The following SCN2A variants were observed in gnomAD, a reference collection of about 807,000 sequenced individuals.
SCN2A encodes the protein sodium voltage-gated channel alpha subunit 2, also known as sodium channel protein type 2 subunit alpha.
In SCN2A, 20 loss-of-function variants were observed where a neutral mutation model predicts 188.7. The observed-to-expected ratio is 0.11, with a 90% CI of 0.07 to 0.15. The LOEUF is 0.15. Ranked by LOEUF, SCN2A falls within the 10% of genes least tolerant of loss-of-function variation. The pLI is 1.00. For missense variants in SCN2A, 1,278 were observed against 2,445.0 expected, an observed-to-expected ratio of 0.52 and a Z score of 10.07; for synonymous variants, 804 against 833.1, an observed-to-expected ratio of 0.97 and a Z score of 0.60.
At chr2:165,252,132 GA>G (rs200670366) in intron 1 of SCN2A, among the ~76,000 whole-genome samples, 5 of 148,526 alleles carry the variant, frequency 3.4e-5, no homozygotes, top group East Asian at 2.0e-4. Flanking sequence ...ATCTAAGTAC[GA>G]AAAAAAAATA....
chr2:165,325,533 G>T (rs958538026), intron 12 of SCN2A, among the ~76,000 whole-genome samples: 1 of 152,074 alleles, frequency 6.6e-6, no homozygotes, highest in African/African-American at 2.4e-5. Context: ...AATGTCATTA[G>T]CAGTTTTGGA....
chr2:165,307,798 TA>T, intron 3 of SCN2A, 49 bp from the exon 4 acceptor site: 2 of 1,304,418 alleles, frequency 1.5e-6, no homozygotes, highest in Non-Finnish European at 1.1e-6. Flanking sequence ...TGGTAGTGCA[TA>T]AAAGTAAGAT....
intron 1 of SCN2A, among the ~76,000 whole-genome samples, chr2:165,260,088 C>T (rs1159162498): frequency 6.6e-6 from 1 of 151,858 alleles, no homozygotes; most frequent in Non-Finnish European, 1.5e-5. Context: ...GGACTACAGG[C>T]GCCCGCCACC....
At chr2:165,330,547 AT>A (rs898364380) in intron 13 of SCN2A, among the ~76,000 whole-genome samples, 78 of 152,268 alleles carry the variant, frequency 5.1e-4, no homozygotes, top group African/African-American at 1.9e-3. Context: ...TTAATATAAA[AT>A]TTTATGTCAT....
intron 12 of SCN2A, 21 bp downstream of exon 12, chr2:165,323,521 A>G (rs778366189): frequency 3.5e-5 from 56 of 1,592,372 alleles, no homozygotes; most frequent in Non-Finnish European, 1.1e-5. Context: ...TTAAAATTGC[A>G]GCTGATGTGA....
intron 20 of SCN2A, 75 bp downstream of exon 20, chr2:165,370,374 GTA>G: frequency 7.1e-7 from 1 of 1,413,384 alleles, no homozygotes; most frequent in South Asian, 1.2e-5. Context: ...CTGACACAGT[GTA>G]GGCACTCAGT....
intron 14 of SCN2A, among the ~76,000 whole-genome samples, chr2:165,339,655 C>T (rs1027323996): frequency 2.6e-5 from 4 of 152,056 alleles, no homozygotes; most frequent in African/African-American, 9.7e-5. Flanking sequence ...AGAATAATTA[C>T]AGAAGATTTA....
At chr2:165,294,347 A>AG (rs1383229094) in intron 1 of SCN2A, among the ~76,000 whole-genome samples, 1 of 152,054 alleles carries the variant, frequency 6.6e-6, no homozygotes, top group Admixed American at 6.6e-5. Context: ...GTCTGTCGCT[A>AG]GGCATGAGGG....
chr2:165,290,879 A>G (rs1442489360), intron 1 of SCN2A: 1 of 664,164 alleles, frequency 1.5e-6, no homozygotes, highest in East Asian at 1.4e-4. Context: ...GTTACTTTCC[A>G]AAAGTGGAGG....
intron 17 of SCN2A, among the ~76,000 whole-genome samples, chr2:165,362,903 G>T (rs1700537495): frequency 6.6e-6 from 1 of 152,028 alleles, no homozygotes; most frequent in South Asian, 2.1e-4. Context: ...GATTTATTGG[G>T]GAGACTTTAT....
At chr2:165,313,292 G>GAA (rs958140454) in intron 8 of SCN2A, among the ~76,000 whole-genome samples, 1 of 152,056 alleles carries the variant, frequency 6.6e-6, no homozygotes, top group Admixed American at 6.6e-5. Context: ...CATCCTCAGT[G>GAA]AAAATCAACT....
At chr2:165,350,464 C>CTTTTTTTTTTTTTTTTTTTTTTT (rs71028479) in intron 16 of SCN2A, among the ~76,000 whole-genome samples, 4 of 73,846 alleles carry the variant, frequency 5.4e-5, no homozygotes, top group African/African-American at 1.8e-4. Context: ...TGTTTTCTTT[C>CTTTTTTTTTTTTTTTTTTTTTTT]TTTTTTTTTT....
chr2:165,291,421 TG>T (rs1157612132), intron 1 of SCN2A, among the ~76,000 whole-genome samples: 1 of 142,114 alleles, frequency 7.0e-6, no homozygotes. Context: ...CCTTCCTCCC[TG>T]TCTGTCTTTC....
intron 12 of SCN2A, among the ~76,000 whole-genome samples, chr2:165,326,339 A>G (rs1300410544): frequency 6.6e-6 from 1 of 152,226 alleles, no homozygotes; most frequent in African/African-American, 2.4e-5. Context: ...GTAATTAGGA[A>G]TGTTGGGAAA....
At chr2:165,302,541 T>A (rs940103966) in intron 3 of SCN2A, among the ~76,000 whole-genome samples, 2 of 152,186 alleles carry the variant, frequency 1.3e-5, no homozygotes, top group Non-Finnish European at 2.9e-5. Context: ...CAAAGAAATG[T>A]CCTATAATTT....
At chr2:165,311,125 A>C (rs1042778689) in intron 7 of SCN2A, among the ~76,000 whole-genome samples, 3 of 151,956 alleles carry the variant, frequency 2.0e-5, no homozygotes, top group Non-Finnish European at 4.4e-5. Flanking sequence ...TATTCTAATT[A>C]GTCCCTTTAG....
intron 1 of SCN2A, among the ~76,000 whole-genome samples, chr2:165,284,723 A>AC (rs1695754559): frequency 6.6e-6 from 1 of 152,188 alleles, no homozygotes; most frequent in Admixed American, 6.5e-5. Flanking sequence ...CATAAAGAGA[A>AC]CCATATCCTG....
intron 1 of SCN2A, among the ~76,000 whole-genome samples, chr2:165,259,931 A>ATTTTTTTTTT (rs140137535): frequency 1.1e-5 from 1 of 89,494 alleles, no homozygotes; most frequent in African/African-American, 4.6e-5. Flanking sequence ...CTAAAAATGG[A>ATTTTTTTTTT]TTTTTTTTTT....
chr2:165,257,722 G>C (rs1196016876), intron 1 of SCN2A, among the ~76,000 whole-genome samples: 1 of 152,054 alleles, frequency 6.6e-6, no homozygotes, highest in Non-Finnish European at 1.5e-5. Context: ...TATTTTTATA[G>C]AGATGGGTTT....
Sources: gnomAD v4.1 joint callset for allele counts (sites outside exome capture counted in the v4.1 genomes callset) on GRCh38, gnomAD v4.1.1 for gene constraint, MANE v1.5 for transcripts, NCBI Gene and HGNC (gene_info 2026-07-23, HGNC 2026-07-21) for gene names.